PARP4: variants seen among roughly 807,000 people sequenced by gnomAD.
PARP4 encodes the protein poly(ADP-ribose) polymerase family member 4.
Under a neutral mutation model 187.7 loss-of-function variants are expected in PARP4, and 120 were observed. The ratio of observed to expected loss-of-function variants is 0.64; its 90% CI spans 0.55 to 0.74. The LOEUF is 0.74. Among genes scored for constraint, PARP4 ranks in the 30% least tolerant of loss-of-function variants. The pLI, the probability that PARP4 is intolerant of heterozygous loss-of-function variation, is 0.00. For missense variants in PARP4, 1,836 were observed against 2,070.5 expected, an observed-to-expected ratio of 0.89 and a Z score of 2.20; for synonymous variants, 654 against 740.9, an observed-to-expected ratio of 0.88 and a Z score of 1.90.
intron 33 of PARP4, among the ~76,000 whole-genome samples, chr13:24,425,750 C>G (rs1024329698): frequency 6.6e-6 from 1 of 152,020 alleles, no homozygotes; most frequent in Non-Finnish European, 1.5e-5. Context: ...CCACATGGCC[C>G]TGAGTCCACT....
Position 24,512,520 on chromosome 13 carries a change from T to C in PARP4, c.-2+186A>G, listed in dbSNP as rs11838435. 7.9e-3 allele frequency among the ~76,000 whole-genome samples: 1,193 copies of C among 151,956 alleles called. 13 individuals carry two copies. The highest frequency in any genetic ancestry group is 0.028 in the African/African-American group (1,144 of 41,440). On this transcript the variant is annotated intron_variant, in intron 1 of 33. Coordinates refer to ENST00000381989, the MANE Select transcript of PARP4 (RefSeq NM_006437.4). ...GGGGCAGAGCGGAACGACCGCAATA[T>C]CCCTCCCCGAGGGCGCTGGCTGCAC...
intron 33 of PARP4, among the ~76,000 whole-genome samples, chr13:24,425,979 T>A (rs1593581494): frequency 6.6e-6 from 1 of 152,338 alleles, no homozygotes; most frequent in East Asian, 1.9e-4. Context: ...TATGAAGTTG[T>A]ATTTGCCAAG....
At chr13:24,451,410 G>A (rs1299178502) in intron 24 of PARP4, among the ~76,000 whole-genome samples, 1 of 152,220 alleles carries the variant, frequency 6.6e-6, no homozygotes, top group Admixed American at 6.5e-5. Flanking sequence ...AGGACAAAGA[G>A]AAGAAAGCCC....
chr13:24,434,542 T>A lies in PARP4; in HGVS notation c.4599A>T (p.Gln1533His). Residue 1533 changes from glutamine to histidine, a missense_variant, in exon 31 of 34, where the codon CAA becomes CAT. Physicochemically the swap from Gln to His is conservative, Grantham distance 24. Transcript: ENST00000381989. ...ATTTTATTTGTAAAAAGCAGCTGTC[T>A]TGAAGTACTTCTGATAGCTCATCAC... The part of the protein sequence containing the change: ...TESDELSEVL[Q>H]DSCFLQIKCD... 6.2e-7 allele frequency: 1 copy of A among 1,614,004 alleles called. No individual in the cohort carries two copies.
At chr13:24,506,295 G>T (rs898234163) in intron 1 of PARP4, among the ~76,000 whole-genome samples, 4 of 152,164 alleles carry the variant, frequency 2.6e-5, no homozygotes, top group Admixed American at 6.5e-5. Flanking sequence ...CAGGAGTGAA[G>T]CTGCAGACCT....
intron 1 of PARP4, among the ~76,000 whole-genome samples, chr13:24,510,612 A>T (rs755925560): frequency 5.3e-5 from 8 of 151,750 alleles, no homozygotes; most frequent in Non-Finnish European, 8.8e-5. Context: ...AAATGCTTGT[A>T]CATATATTTT....
chr13:24,442,054 G>A (rs1457950993), intron 29 of PARP4, 86 bp from the exon 30 acceptor site: 10 of 1,287,616 alleles, frequency 7.8e-6, no homozygotes, highest in Non-Finnish European at 1.0e-5. Flanking sequence ...TGGGGTGTTG[G>A]TTTGGGATAT....
intron 24 of PARP4, among the ~76,000 whole-genome samples, chr13:24,450,750 C>T (rs867448704): frequency 6.6e-6 from 1 of 152,192 alleles, no homozygotes; most frequent in Non-Finnish European, 1.5e-5. Flanking sequence ...CCCAAAAACT[C>T]GACAGAAAAG....
chr13:24,422,024 T>C (rs1365371952), intron 33 of PARP4, among the ~76,000 whole-genome samples: 1 of 152,234 alleles, frequency 6.6e-6, no homozygotes, highest in Non-Finnish European at 1.5e-5. Flanking sequence ...GGAAACTTAA[T>C]ATTTTGAAAA....
intron 17 of PARP4, among the ~76,000 whole-genome samples, chr13:24,468,280 A>G (rs1439444082): frequency 2.6e-5 from 4 of 152,174 alleles, no homozygotes; most frequent in Non-Finnish European, 5.9e-5. Context: ...TGCTAAAGCT[A>G]ATCACCTAAA....
chr13:24,486,516 G>A (rs1273470865), intron 10 of PARP4, among the ~76,000 whole-genome samples: 1 of 152,136 alleles, frequency 6.6e-6, no homozygotes, highest in Admixed American at 6.5e-5. Context: ...AAAGTATACA[G>A]TAAAATATAA....
rs139761586 is a variant in PARP4 at position 24,464,586 on chromosome 13, G to A, written c.2133+4438C>T. On this transcript the variant is annotated intron_variant, in intron 17 of 33. Transcript: ENST00000381989. ...TTAATGAATGGTGCTGGGAAAACTGGCTAGCCATATGCAGAAAATTAAAAC... is the reference window on the plus strand; with the variant it reads ...TTAATGAATGGTGCTGGGAAAACTGACTAGCCATATGCAGAAAATTAAAAC... Among the ~76,000 whole-genome samples, 55 of 152,258 alleles carry A rather than the reference G, an allele frequency of 3.6e-4. No homozygotes were observed. In the East Asian group the frequency reaches 9.5e-3, roughly 26 times the overall value.
intron 1 of PARP4, among the ~76,000 whole-genome samples, chr13:24,511,638 C>T (rs1870024210): frequency 6.6e-6 from 1 of 152,226 alleles, no homozygotes; most frequent in South Asian, 2.1e-4. Flanking sequence ...TTCCTCCTCT[C>T]GGAAAACCCT....
At chr13:24,495,367 G>C (rs1412011004) in intron 6 of PARP4, among the ~76,000 whole-genome samples, 1 of 147,626 alleles carries the variant, frequency 6.8e-6, no homozygotes, top group Non-Finnish European at 1.5e-5. Context: ...TTGGAAATGA[G>C]AAAAAAAAAA....
At chr13:24,489,259 T>C (rs888711862) in intron 10 of PARP4, among the ~76,000 whole-genome samples, 2 of 152,176 alleles carry the variant, frequency 1.3e-5, no homozygotes, top group Admixed American at 6.5e-5. Flanking sequence ...CCATCAGCAA[T>C]GTGTGATGCT....
At position 24,451,319 on chromosome 13, in the gene PARP4, C is replaced by G. The variant is rs181733288; in HGVS notation, c.3014+1087G>C. 6.3e-3 allele frequency among the ~76,000 whole-genome samples: 955 copies of G among 152,300 alleles called. 2 individuals carry two copies. Among genetic ancestry groups the G allele is most frequent in the Non-Finnish European group, 8.6e-3 (587 of 68,028 alleles). The stretch of plus-strand genomic sequence containing the variant: ...ACAACTCCTGGTGGAGCTGCTCAGG[C>G]TGGATATATTTCTTCATTGGCCTGT... On this transcript the variant is annotated intron_variant, in intron 24 of 33. Transcript: ENST00000381989.
chr13:24,422,672 G>A (rs1265676786), intron 33 of PARP4, among the ~76,000 whole-genome samples: 2 of 151,968 alleles, frequency 1.3e-5, no homozygotes, highest in African/African-American at 2.4e-5. Context: ...GCAGGGACAC[G>A]ATCTCGGTTC....
At position 24,443,690 on chromosome 13, in the gene PARP4, T is replaced by C. The variant is rs774016383; in HGVS notation, c.3407A>G (p.Tyr1136Cys). Residue 1136 changes from tyrosine (Y) to cysteine (C), a missense_variant, in exon 28 of 34, where the codon TAT becomes TGT. Tyr to Cys is a radical substitution (Grantham distance 194). Transcript: ENST00000381989. ...KLAARALIRD[Y>C]EDGILHENET... ...ATTTTCGTGAAGAATGCCATCTTCATAATCTCTGATTAGAGCTCGGGCTGC... is the reference window on the plus strand; with the variant it reads ...ATTTTCGTGAAGAATGCCATCTTCACAATCTCTGATTAGAGCTCGGGCTGC... The C allele has an allele frequency of 1.2e-6, 2 of 1,613,898 alleles. No individual in the cohort carries two copies. The highest frequency in any genetic ancestry group is 2.2e-5 in the South Asian group (2 of 91,078).
chr13:24,470,500 C>T (rs566015439), intron 15 of PARP4, among the ~76,000 whole-genome samples: 69 of 152,188 alleles, frequency 4.5e-4, no homozygotes, highest in African/African-American at 1.6e-3. Flanking sequence ...TCTCTGTGTG[C>T]GTTGGTTCTT....
Sources: allele counts gnomAD v4.1 joint callset (sites outside exome capture counted in the v4.1 genomes callset), GRCh38; gene constraint gnomAD v4.1.1; transcripts MANE v1.5; gene names NCBI Gene and HGNC (gene_info 2026-07-23, HGNC 2026-07-21).